DLGAP2: variants seen among roughly 807,000 people sequenced by gnomAD.
The protein encoded by DLGAP2 is disks large-associated protein 2.
In DLGAP2, 26 loss-of-function variants were observed where a neutral mutation model predicts 100.3. The observed-to-expected ratio is 0.26, with a 90% CI of 0.19 to 0.36. The LOEUF is 0.36. Among genes scored for constraint, DLGAP2 ranks in the 10% least tolerant of loss-of-function variants. DLGAP2 has a pLI of 1.00. For synonymous variants in DLGAP2, 886 were observed against 630.1 expected (o/e 1.41, Z -6.08); for missense variants, 1,858 against 1,453.2 (o/e 1.28, Z -4.53).
At chr8:848,084 C>G (rs1224969435) in intron 1 of DLGAP2, among the ~76,000 whole-genome samples, 1 of 152,186 alleles carries the variant, frequency 6.6e-6, no homozygotes, top group African/African-American at 2.4e-5. Context: ...CCACAGGCAC[C>G]TGCCTGCCTG....
At chr8:1,104,942 G>A (rs1442691385) in intron 2 of DLGAP2, 4 of 152,190 alleles carry the variant, frequency 2.6e-5, no homozygotes, top group African/African-American at 9.7e-5. Flanking sequence ...CTGCCATCTC[G>A]TGCTCGCCTA....
intron 5 of DLGAP2, among the ~76,000 whole-genome samples, chr8:1,554,456 C>T (rs1274421725): frequency 6.6e-6 from 1 of 152,118 alleles, no homozygotes; most frequent in Non-Finnish European, 1.5e-5. Context: ...GGCCCTCCTG[C>T]CACAGGCCCA....
At chr8:1,331,680 T>G (rs963576775) in intron 3 of DLGAP2, among the ~76,000 whole-genome samples, 3 of 152,208 alleles carry the variant, frequency 2.0e-5, no homozygotes, top group Non-Finnish European at 4.4e-5. Context: ...GGTAAAAATA[T>G]CCCGGATGTG....
chr8:1,191,613 G>A (rs1054287246), intron 2 of DLGAP2, among the ~76,000 whole-genome samples: 6 of 152,044 alleles, frequency 3.9e-5, no homozygotes, highest in South Asian at 2.1e-4. Context: ...CAGCCACAAC[G>A]CGCCGTATCT....
At chr8:1,232,874 C>T (rs1302072193) in intron 2 of DLGAP2, among the ~76,000 whole-genome samples, 2 of 152,160 alleles carry the variant, frequency 1.3e-5, no homozygotes, top group East Asian at 1.9e-4. Context: ...GGTTGTGCAG[C>T]CATCGCCATA....
At chr8:1,122,792 T>C (rs911842945) in intron 2 of DLGAP2, among the ~76,000 whole-genome samples, 8 of 152,134 alleles carry the variant, frequency 5.3e-5, no homozygotes, top group African/African-American at 1.9e-4. Context: ...GCTGTCTTTT[T>C]AAGTTTGATT....
intron 3 of DLGAP2, chr8:1,379,632 A>G (rs572825651): frequency 6.6e-5 from 10 of 152,354 alleles, no homozygotes; most frequent in African/African-American, 2.4e-4. Context: ...AGAGTTGGGA[A>G]AACTCAGTCC....
intron 1 of DLGAP2, among the ~76,000 whole-genome samples, chr8:742,541 C>T (rs1161490406): frequency 6.6e-6 from 1 of 152,242 alleles, no homozygotes; most frequent in Non-Finnish European, 1.5e-5. Context: ...CAGGGTCTCC[C>T]TCTGTCACCC....
chr8:1,009,134 T>G (rs1035801313), intron 2 of DLGAP2, among the ~76,000 whole-genome samples: 2 of 152,200 alleles, frequency 1.3e-5, no homozygotes, highest in South Asian at 4.1e-4. Context: ...GAGGGTGGTG[T>G]TCCTGCAATG....
intron 2 of DLGAP2, chr8:1,248,782 C>G (rs1384261573): frequency 6.6e-6 from 1 of 152,608 alleles, no homozygotes. Flanking sequence ...AAAGGTGAAT[C>G]GAAGAGGCTT....
chr8:1,214,828 T>C (rs147434223), intron 2 of DLGAP2, among the ~76,000 whole-genome samples: 3 of 152,368 alleles, frequency 2.0e-5, no homozygotes, highest in African/African-American at 7.2e-5. Context: ...ATAACATTCT[T>C]TAATGAATTA....
At chr8:1,441,223 T>G (rs1230639118) in intron 3 of DLGAP2, among the ~76,000 whole-genome samples, 3 of 152,342 alleles carry the variant, frequency 2.0e-5, no homozygotes, top group South Asian at 2.1e-4. Context: ...ATCCTGAGTT[T>G]TCATAAATTC....
At chr8:924,403 G>A (rs891925485) in intron 2 of DLGAP2, among the ~76,000 whole-genome samples, 2 of 152,084 alleles carry the variant, frequency 1.3e-5, no homozygotes, top group African/African-American at 2.4e-5. Flanking sequence ...CGTTGGGTGG[G>A]GTGGATGGGG....
chr8:839,008 G>A lies in DLGAP2; in HGVS notation c.19-68904G>A, dbSNP rs550006190. On this transcript the variant is annotated intron_variant, in intron 1 of 14. Coordinates refer to ENST00000637795, the MANE Select transcript of DLGAP2 (RefSeq NM_001346810.2). Reference sequence around the variant, plus strand: ...GGTTACCTGTTATTTTGTTAAATCAGGAAAAGCCACATATGACCACAGTGG... The same window carrying A: ...GGTTACCTGTTATTTTGTTAAATCAAGAAAAGCCACATATGACCACAGTGG... Among the ~76,000 whole-genome samples, 3 of 152,244 alleles carry A rather than the reference G, an allele frequency of 2.0e-5. No homozygotes were observed. In the East Asian group the frequency reaches 5.8e-4, roughly 29 times the overall value.
intron 8 of DLGAP2, among the ~76,000 whole-genome samples, chr8:1,638,602 C>T (rs935775119): frequency 7.0e-4 from 106 of 152,104 alleles, no homozygotes; most frequent in African/African-American, 2.5e-3. Flanking sequence ...GGGATGAGGC[C>T]GGGCTGTGCC....
chr8:1,186,775 T>G (rs1413806536), intron 2 of DLGAP2, among the ~76,000 whole-genome samples: 1 of 152,160 alleles, frequency 6.6e-6, no homozygotes, highest in South Asian at 2.1e-4. Context: ...AGCTTGGACG[T>G]GTCTGGAGGT....
At chr8:1,537,143 C>T (rs1177815720) in intron 4 of DLGAP2, among the ~76,000 whole-genome samples, 1 of 152,116 alleles carries the variant, frequency 6.6e-6, no homozygotes, top group African/African-American at 2.4e-5. Context: ...GCTCTGCAGC[C>T]TGGCTGTCAA....
At chr8:1,412,343 C>T (rs547166148) in intron 3 of DLGAP2, among the ~76,000 whole-genome samples, 9 of 152,314 alleles carry the variant, frequency 5.9e-5, no homozygotes, top group East Asian at 3.9e-4. Context: ...CCCTGTCTCC[C>T]GGGCTCTTTC....
At chr8:1,134,173 G>C (rs939354376) in intron 2 of DLGAP2, among the ~76,000 whole-genome samples, 1 of 152,192 alleles carries the variant, frequency 6.6e-6, no homozygotes, top group African/African-American at 2.4e-5. Flanking sequence ...ACATGATCTT[G>C]TTCTTTTTAT....
Sources: allele counts gnomAD v4.1 joint callset (sites outside exome capture counted in the v4.1 genomes callset), GRCh38; gene constraint gnomAD v4.1.1; transcripts MANE v1.5; gene names NCBI Gene and HGNC (gene_info 2026-07-23, HGNC 2026-07-21).